Variants in MRTO4 observed in about 807,000 individuals in gnomAD.
The protein encoded by MRTO4 is mRNA turnover protein 4 homolog.
A neutral mutation model predicts 28.6 loss-of-function variants in MRTO4; 7 were observed. The ratio of observed to expected loss-of-function variants is 0.24; its 90% CI spans 0.14 to 0.46. MRTO4 has a LOEUF of 0.46. MRTO4 is among the 20% of genes least tolerant of loss of function. MRTO4 has a pLI of 0.99. For synonymous variants in MRTO4, 113 were observed against 108.2 expected, an observed-to-expected ratio of 1.04 and a Z score of -0.27; for missense variants, 302 against 298.3, an observed-to-expected ratio of 1.01 and a Z score of -0.09.
At chr1:19,257,263 T>C in intron 4 of MRTO4, 118 bp downstream of exon 4, 1 of 1,259,242 alleles carries the variant, frequency 7.9e-7, no homozygotes, top group Non-Finnish European at 1.1e-6. Flanking sequence ...GAGCAGGGCC[T>C]GGCTTAAAGC....
chr1:19,258,868 G>C lies in MRTO4; in HGVS notation c.*38G>C, dbSNP rs369118509. The C allele has an allele frequency of 4.4e-6, 7 of 1,602,770 alleles. No homozygotes were observed. The East Asian group carries it at 1.3e-4, about 31-fold the overall frequency. ...ACTGAAGGTCTCCTGGAAGCTTCTG[G>C]GTCTCACTGGACCATCAGGACTGCT... On this transcript the variant is annotated 3_prime_UTR_variant, in exon 8 of 8. Transcript: ENST00000330263.
chr1:19,252,616 T>A (rs1261396026), intron 1 of MRTO4, among the ~76,000 whole-genome samples: 1 of 152,198 alleles, frequency 6.6e-6, no homozygotes, highest in South Asian at 2.1e-4. Context: ...GGAGAATCGC[T>A]TGAATCCGGG....
At chr1:19,254,918 G>A (rs2093669203) in intron 2 of MRTO4, 78 bp downstream of exon 2, 2 of 1,275,000 alleles carry the variant, frequency 1.6e-6, no homozygotes, top group Admixed American at 2.5e-5. Context: ...CCAGGGATAG[G>A]ACTGTTGGCC....
At chr1:19,254,631 G>A in intron 1 of MRTO4, 151 bp from the exon 2 acceptor site, 1 of 708,388 alleles carries the variant, frequency 1.4e-6, no homozygotes, top group Non-Finnish European at 2.5e-6. Context: ...ATGGCTTTGT[G>A]TGCCAGAAAT....
At chr1:19,254,684 A>G (rs557581869) in intron 1 of MRTO4, 98 bp from the exon 2 acceptor site, 12 of 1,004,440 alleles carry the variant, frequency 1.2e-5, no homozygotes, top group South Asian at 1.2e-4. Context: ...GAATGGCTGC[A>G]TCCAGCTGAG....
At chr1:19,254,681 T>C (rs749379897) in intron 1 of MRTO4, 101 bp from the exon 2 acceptor site, 32 of 967,714 alleles carry the variant, frequency 3.3e-5, no homozygotes, top group Non-Finnish European at 5.2e-5. Context: ...TCAGAATGGC[T>C]GCATCCAGCT....
chr1:19,255,207 CAGG>C (rs775378237), intron 2 of MRTO4, among the ~76,000 whole-genome samples: 24 of 151,972 alleles, frequency 1.6e-4, no homozygotes, highest in Non-Finnish European at 3.4e-4. Context: ...TGTCAAAAAA[CAGG>C]AGGCCAGGAA....
At chr1:19,255,314 C>T (rs115721712) in intron 2 of MRTO4, among the ~76,000 whole-genome samples, 2 of 150,182 alleles carry the variant, frequency 1.3e-5, no homozygotes, top group South Asian at 4.2e-4. Context: ...GGCAACATGA[C>T]AAAACCTCAT....
intron 2 of MRTO4, 29 bp downstream of exon 2, chr1:19,254,869 C>T: frequency 6.3e-7 from 1 of 1,579,888 alleles, no homozygotes; most frequent in South Asian, 1.2e-5. Context: ...CTAGAGCTTG[C>T]AATTGTTTGG....
Position 19,257,971 on chromosome 1 carries a change from C to G in MRTO4, c.480C>G (p.Thr160=), listed in dbSNP as rs142730134. The G allele has an allele frequency of 1.2e-6, 2 of 1,613,886 alleles. No homozygotes were observed. Among genetic ancestry groups the G allele is most frequent in the African/African-American group, 2.7e-5 (2 of 75,046 alleles). ...AGCTCAGGCAGCTGGGCCTGCCCAC[C>G]GCCCTCAAGAGAGGTATGGGCAGCC... ...EPQLRQLGLP[T]ALKRGVVTLL... Residue 160 remains threonine, a synonymous_variant, in exon 6 of 8, where the codon ACC becomes ACG. Coordinates refer to ENST00000330263, the MANE Select transcript of MRTO4 (RefSeq NM_016183.4).
chr1:19,258,677 G>A lies in MRTO4; in HGVS notation c.571-4G>A, dbSNP rs76687580. The A allele has an allele frequency of 1.6e-3, 2,508 of 1,614,128 alleles. 38 individuals are homozygous for A. In the African/African-American group the frequency reaches 0.03, roughly 19 times the overall value. On this transcript the variant is annotated splice_polypyrimidine_tract_variant and splice_region_variant and intron_variant, in intron 7 of 7. Transcript: ENST00000330263. ...TGATTCTTTGTTCCCTTTGTCTCTT[G>A]CAGAAGCTTTTTGGGTATGAGATGG...
At chr1:19,258,597 C>T in intron 7 of MRTO4, 44 bp downstream of exon 7, 1 of 1,614,060 alleles carries the variant, frequency 6.2e-7, no homozygotes, top group Non-Finnish European at 8.5e-7. Context: ...GGGTTGCTGG[C>T]TTTCCTCTGC....
rs2294939 is a variant in MRTO4 at position 19,258,713 on chromosome 1, G to A, written c.603G>A (p.Lys201=). 0.14 allele frequency: 233,873 copies of A among 1,614,086 alleles called. 17,622 individuals carry two copies. Among genetic ancestry groups the A allele is most frequent in the Non-Finnish European group, 0.16 (185,702 of 1,179,986 alleles). ...TTGGGTATGAGATGGCTGAATTCAAGGTGACCATCAAATACATGTGGGATT... is the reference window on the plus strand; with the variant it reads ...TTGGGTATGAGATGGCTGAATTCAAAGTGACCATCAAATACATGTGGGATT... ...KLFGYEMAEF[K]VTIKYMWDSQ... is the part of the protein sequence containing the mutation. The change falls in exon 8 of 8, where the codon AAG becomes AAA. Residue 201 remains lysine (K), a synonymous_variant. Coordinates refer to ENST00000330263, the MANE Select transcript of MRTO4 (RefSeq NM_016183.4).
chr1:19,254,687 C>A, intron 1 of MRTO4, 95 bp from the exon 2 acceptor site: 1 of 1,029,052 alleles, frequency 9.7e-7, no homozygotes, highest in Non-Finnish European at 1.5e-6. Flanking sequence ...TGGCTGCATC[C>A]AGCTGAGTGC....
rs753369486 is a variant in MRTO4 at position 19,258,567 on chromosome 1, C to CTTGCGGGCTG, written c.570+23_570+32dup. On this transcript the variant is annotated intron_variant, in intron 7 of 7. Transcript: ENST00000330263. ...GCTCGCGTCCTGGTGAGTCTGGCGC[C>CTTGCGGGCTG]TTGCGGGCTGTTGCGGGCGGGGTTG... is the stretch of plus-strand genomic sequence containing the variant. 2.5e-6 allele frequency: 4 copies of CTTGCGGGCTG among 1,613,954 alleles called. No homozygotes were observed. The African/African-American group carries it at 4.0e-5, about 16-fold the overall frequency.
intron 1 of MRTO4, among the ~76,000 whole-genome samples, chr1:19,253,432 C>T (rs1380162983): frequency 6.6e-6 from 1 of 152,122 alleles, no homozygotes; most frequent in Non-Finnish European, 1.5e-5. Flanking sequence ...GCAGGACTTC[C>T]TCGGCCTTGG....
In MRTO4 at chr1:19,257,468, G is replaced by A; in HGVS notation, c.288G>A (p.Leu96=). ...CTGATTTGTAGGTCAGCAAAAGGTT[G>A]AGGGGTGAGGTGGGTCTCCTGTTCA... ...KDNLHQVSKR[L]RGEVGLLFTN... Residue 96 remains leucine, a synonymous_variant, in exon 5 of 8, where the codon TTG becomes TTA. Transcript: ENST00000330263. 6.2e-7 allele frequency: 1 copy of A among 1,614,244 alleles called. No homozygotes were observed. Among genetic ancestry groups the A allele is most frequent in the Non-Finnish European group, 8.5e-7 (1 of 1,180,034 alleles).
At chr1:19,254,949 A>T (rs553514069) in intron 2 of MRTO4, 109 bp downstream of exon 2, 1 of 282,398 alleles carries the variant, frequency 3.5e-6, no homozygotes, top group Non-Finnish European at 5.0e-6. Context: ...ACTAGTGGGG[A>T]AAAAAAAAAA....
intron 1 of MRTO4, chr1:19,252,067 G>A: frequency 1.4e-6 from 1 of 717,002 alleles, no homozygotes; most frequent in Non-Finnish European, 2.2e-6. Context: ...GGTCTGGGGA[G>A]CGGAGACTCG....
Sources: gnomAD v4.1 joint callset for allele counts (sites outside exome capture counted in the v4.1 genomes callset) on GRCh38, gnomAD v4.1.1 for gene constraint, MANE v1.5 for transcripts, NCBI Gene and HGNC (gene_info 2026-07-23, HGNC 2026-07-21) for gene names.